Variants in FRMPD1 observed in about 807,000 individuals in gnomAD.
FRMPD1 encodes FERM and PDZ domain containing 1.
In FRMPD1, 76 loss-of-function variants were observed where a neutral mutation model predicts 117.8. The ratio of observed to expected loss-of-function variants is 0.65; its 90% CI spans 0.54 to 0.78. The LOEUF (loss-of-function observed/expected upper bound fraction) is 0.78. FRMPD1 is among the 30% of genes least tolerant of loss of function. The pLI is 0.00. For synonymous variants in FRMPD1, 783 were observed against 770.4 expected, an observed-to-expected ratio of 1.02 and a Z score of -0.27; for missense variants, 1,786 against 1,964.5, an observed-to-expected ratio of 0.91 and a Z score of 1.72.
intron 4 of FRMPD1, among the ~76,000 whole-genome samples, chr9:37,709,349 T>C (rs1319151367): frequency 1.3e-5 from 1 of 74,682 alleles, no homozygotes; most frequent in Non-Finnish European, 3.0e-5. Flanking sequence ...TGGTATTAAT[T>C]GTTTTTTTTT....
chr9:37,628,261 C>A, the FRMPD1 span, among the ~76,000 whole-genome samples: 745 of 152,298 alleles, frequency 4.9e-3, 4 homozygotes, highest in African/African-American at 0.017. Flanking sequence ...CCAATACTTC[C>A]AGCCCTAGGT....
At chr9:37,682,960 C>T (rs1821779940) in intron 1 of FRMPD1, among the ~76,000 whole-genome samples, 1 of 152,180 alleles carries the variant, frequency 6.6e-6, no homozygotes, top group Admixed American at 6.5e-5. Context: ...CAAAATTGTG[C>T]AGCTATCACC....
chr9:37,624,038 A>G, the FRMPD1 span, among the ~76,000 whole-genome samples: 1 of 152,176 alleles, frequency 6.6e-6, no homozygotes, highest in Admixed American at 6.5e-5. Flanking sequence ...AAGAGACAGT[A>G]ATGAAGGCAC....
intron 1 of FRMPD1, among the ~76,000 whole-genome samples, chr9:37,654,891 C>T (rs933649528): frequency 5.9e-5 from 9 of 152,208 alleles, no homozygotes; most frequent in Admixed American, 3.3e-4. Flanking sequence ...AGGATCAGGC[C>T]GAGTGGTGTG....
intron 2 of FRMPD1, among the ~76,000 whole-genome samples, chr9:37,698,349 C>G (rs908071022): frequency 2.6e-5 from 4 of 151,852 alleles, no homozygotes; most frequent in Non-Finnish European, 5.9e-5. Flanking sequence ...TTCATATTAC[C>G]ATTAATTGTG....
At chr9:37,637,088 C>G in the FRMPD1 span, 3 of 1,571,916 alleles carry the variant, frequency 1.9e-6, no homozygotes, top group Admixed American at 3.3e-5. Context: ...GGTCCAGAAC[C>G]GTTCCTGGCC....
intron 15 of FRMPD1, among the ~76,000 whole-genome samples, chr9:37,741,486 C>T (rs1824420739): frequency 7.0e-6 from 1 of 142,502 alleles, no homozygotes; most frequent in African/African-American, 2.5e-5. Flanking sequence ...CACACACACA[C>T]ACACACTGCA....
At position 37,740,364 on chromosome 9, in the gene FRMPD1, G is replaced by A; in HGVS notation, c.1836G>A (p.Leu612=). The A allele has an allele frequency of 6.2e-7, 1 of 1,613,726 alleles. No homozygotes were observed. Among genetic ancestry groups the A allele is most frequent in the Non-Finnish European group, 8.5e-7 (1 of 1,179,998 alleles). ...GCTCGAGTGAGTCCATGGACGCTCT[G>A]GAAGAGGATGACTTAGACACCTGCT... is the stretch of plus-strand genomic sequence containing the variant. ...TSGSSESMDA[L]EEDDLDTCSS... The change falls in exon 15 of 16, where the codon CTG becomes CTA. Residue 612 remains leucine, a synonymous_variant. Transcript: ENST00000377765. This position sits in a 1 kb window ranked among gnomAD's most constrained non-coding sequence, Gnocchi z 4.2.
At chr9:37,710,918 A>G (rs1563943160) in intron 4 of FRMPD1, among the ~76,000 whole-genome samples, 2 of 148,410 alleles carry the variant, frequency 1.3e-5, no homozygotes, top group East Asian at 2.0e-4. Context: ...AGATTGCGCC[A>G]TTGCATTCCA....
At chr9:37,642,620 A>T in the FRMPD1 span, among the ~76,000 whole-genome samples, 5 of 152,166 alleles carry the variant, frequency 3.3e-5, no homozygotes, top group Non-Finnish European at 7.4e-5. Context: ...GATTTGTGGG[A>T]TCCATAATTC....
At position 37,740,830 on chromosome 9, in the gene FRMPD1, G is replaced by A. The variant is rs2118488459; in HGVS notation, c.2302G>A (p.Asp768Asn). The A allele has an allele frequency of 1.9e-6, 3 of 1,614,198 alleles. No individual in the cohort carries two copies. Among genetic ancestry groups the A allele is most frequent in the Non-Finnish European group, 2.5e-6 (3 of 1,180,026 alleles). Reference protein sequence around the residue: ...PPLAFEDGSSDEEYYDAADKL... With the variant: ...PPLAFEDGSSNEEYYDAADKL... Reference sequence around the variant, plus strand: ...ACTGGCCTTTGAGGATGGCAGCTCAGATGAGGAATACTATGACGCGGCTGA... The same window carrying A: ...ACTGGCCTTTGAGGATGGCAGCTCAAATGAGGAATACTATGACGCGGCTGA... The change falls in exon 15 of 16, where the codon GAT becomes AAT. Residue 768 changes from aspartate (D) to asparagine (N), a missense_variant. Transcript: ENST00000377765. This position sits in a 1 kb window ranked among gnomAD's most constrained non-coding sequence, Gnocchi z 4.2.
At chr9:37,655,467 C>T (rs1266932590) in intron 1 of FRMPD1, among the ~76,000 whole-genome samples, 1 of 151,030 alleles carries the variant, frequency 6.6e-6, no homozygotes, top group African/African-American at 2.4e-5. Flanking sequence ...CTTTCTCTCA[C>T]ACCCCCTCCT....
chr9:37,745,948 GTC>G lies in FRMPD1; in HGVS notation c.3920_3921del (p.Ser1307CysfsTer16). 1 of 1,614,222 alleles carries G rather than the reference GTC, an allele frequency of 6.2e-7. No homozygotes were observed. Among genetic ancestry groups the G allele is most frequent in the Non-Finnish European group, 8.5e-7 (1 of 1,180,020 alleles). ...CTTTGCCCCAGAAAGCCATCCTGAA[GTC>G]TCTGCCAGTCTCAGGGTGGCCACAT... ...LCFAPESHPEVSASLRVATSL... is the reference protein window; with the variant it reads ...LCFAPESHPEXSASLRVATSL... On this transcript the variant is annotated frameshift_variant, in exon 16 of 16. Transcript: ENST00000377765. LOFTEE classifies it high-confidence loss of function.
chr9:37,615,814 T>A, the FRMPD1 span, among the ~76,000 whole-genome samples: 3 of 150,850 alleles, frequency 2.0e-5, no homozygotes, highest in Non-Finnish European at 4.4e-5. Flanking sequence ...TGATCACATC[T>A]GTTCTTTTTT....
chr9:37,735,126 A>G (rs10814614), intron 12 of FRMPD1, among the ~76,000 whole-genome samples: 17,866 of 152,266 alleles, frequency 0.12, 1,276 homozygotes, highest in East Asian at 0.33. Flanking sequence ...TAGAGAAGTA[A>G]GAGGAAGTGG....
the FRMPD1 span, among the ~76,000 whole-genome samples, chr9:37,635,488 A>T: frequency 1.3e-5 from 2 of 151,884 alleles, no homozygotes; most frequent in Non-Finnish European, 2.9e-5. Flanking sequence ...ATGGAAATTT[A>T]TTAATTTTTT....
At chr9:37,679,025 T>TC (rs527397195) in intron 1 of FRMPD1, among the ~76,000 whole-genome samples, 1 of 152,130 alleles carries the variant, frequency 6.6e-6, no homozygotes, top group Non-Finnish European at 1.5e-5. Context: ...CTAGAGGTGA[T>TC]CCCCCTTCTT....
At chr9:37,609,607 C>T in the FRMPD1 span, among the ~76,000 whole-genome samples, 4 of 152,194 alleles carry the variant, frequency 2.6e-5, no homozygotes, top group Admixed American at 1.3e-4. Context: ...CTCTTTCACC[C>T]GGATGATTGC....
the FRMPD1 span, among the ~76,000 whole-genome samples, chr9:37,620,596 T>C: frequency 1.1e-4 from 16 of 152,148 alleles, no homozygotes; most frequent in African/African-American, 3.1e-4. Context: ...TCAGAAAGCA[T>C]GTTTGATGTT....
Sources: allele counts gnomAD v4.1 joint callset (sites outside exome capture counted in the v4.1 genomes callset), GRCh38; gene constraint gnomAD v4.1.1; non-coding constraint Gnocchi (gnomAD v3.1); transcripts MANE v1.5; gene names NCBI Gene and HGNC (gene_info 2026-07-23, HGNC 2026-07-21).